The following DPP10 variants were observed in gnomAD, a reference collection of about 807,000 sequenced individuals.
DPP10 encodes the protein dipeptidyl peptidase like 10.
DPP10 carries 33 observed loss-of-function variants against 120.9 expected under a neutral mutation model. The ratio of observed to expected loss-of-function variants is 0.27; its 90% CI spans 0.21 to 0.37. DPP10 has a LOEUF of 0.37. Among genes scored for constraint, DPP10 ranks in the 10% least tolerant of loss-of-function variants. The pLI, the probability that DPP10 is intolerant of heterozygous loss-of-function variation, is 1.00. For missense variants in DPP10, 816 were observed against 942.8 expected (o/e 0.87, Z 1.76); for synonymous variants, 337 against 326.1 (o/e 1.03, Z -0.36).
At chr2:114,554,576 C>G (rs1173530779) in intron 1 of DPP10, among the ~76,000 whole-genome samples, 9 of 152,188 alleles carry the variant, frequency 5.9e-5, no homozygotes, top group Admixed American at 5.9e-4. Context: ...AAATGAGGCT[C>G]TCAGTGCTAC....
intron 3 of DPP10, among the ~76,000 whole-genome samples, chr2:115,449,394 G>A (rs753249805): frequency 1.3e-5 from 2 of 152,046 alleles, no homozygotes; most frequent in Non-Finnish European, 2.9e-5. Flanking sequence ...GGAGTCTAGA[G>A]TCTACTTGAT....
At chr2:115,438,383 A>G (rs1037644845) in intron 3 of DPP10, among the ~76,000 whole-genome samples, 7 of 152,308 alleles carry the variant, frequency 4.6e-5, no homozygotes, top group Non-Finnish European at 7.4e-5. Flanking sequence ...TATGCTAGGT[A>G]TATACTCAAA....
chr2:114,813,840 G>A (rs1419714080), intron 1 of DPP10, among the ~76,000 whole-genome samples: 6 of 151,546 alleles, frequency 4.0e-5, no homozygotes, highest in African/African-American at 1.5e-4. Context: ...GAATATGCTT[G>A]TAACACTAGT....
intron 1 of DPP10, among the ~76,000 whole-genome samples, chr2:114,552,156 G>T (rs537637747): frequency 3.8e-4 from 58 of 152,204 alleles, no homozygotes; most frequent in Non-Finnish European, 2.5e-4. Flanking sequence ...TCAGCTGTTA[G>T]CTCTGTGGTG....
intron 5 of DPP10, among the ~76,000 whole-genome samples, chr2:115,635,285 A>T (rs556802544): frequency 2.2e-4 from 34 of 152,226 alleles, no homozygotes; most frequent in African/African-American, 8.2e-4. Context: ...AGCCGCTGAG[A>T]ATCTGCACAA....
At chr2:114,663,662 TATATATAG>T (rs1461818256) in intron 1 of DPP10, among the ~76,000 whole-genome samples, 8 of 95,030 alleles carry the variant, frequency 8.4e-5, no homozygotes, top group East Asian at 2.9e-4. Flanking sequence ...TATATATATA[TATATATAG>T]AGAGAGAGAG....
intron 1 of DPP10, among the ~76,000 whole-genome samples, chr2:114,444,486 G>A (rs1015916578): frequency 1.3e-5 from 2 of 152,042 alleles, no homozygotes; most frequent in African/African-American, 4.8e-5. Flanking sequence ...TCTTTATTGA[G>A]TAAGCATAAA....
intron 1 of DPP10, among the ~76,000 whole-genome samples, chr2:114,947,209 G>A (rs41329949): frequency 0.019 from 2,813 of 152,008 alleles, 89 homozygotes; most frequent in African/African-American, 0.062. Flanking sequence ...AGCAACCTGC[G>A]TATCTGACCT....
At chr2:115,494,309 G>T (rs879388215) in intron 3 of DPP10, among the ~76,000 whole-genome samples, 4 of 152,030 alleles carry the variant, frequency 2.6e-5, no homozygotes, top group African/African-American at 4.8e-5. Context: ...AGAGCGCATT[G>T]ACTTGTTTAT....
rs1048128879 is a variant in DPP10 at position 115,440,071 on chromosome 2, AT to A, written c.272-59430del. Among the ~76,000 whole-genome samples, 16 of 151,312 alleles carry A rather than the reference AT, an allele frequency of 1.1e-4. 1 individual carries two copies. The highest frequency in any genetic ancestry group is 3.2e-4 in the African/African-American group (13 of 41,256). ...AAATTAACTAGCTCTTTTGAACAGCATTTTTTTTTCTTAGTATGATGCCTAT... is the reference window on the plus strand; with the variant it reads ...AAATTAACTAGCTCTTTTGAACAGCATTTTTTTTCTTAGTATGATGCCTAT... On this transcript the variant is annotated intron_variant, in intron 3 of 25. Transcript: ENST00000410059.
chr2:115,384,596 A>G (rs1183156747), intron 3 of DPP10, among the ~76,000 whole-genome samples: 1 of 148,724 alleles, frequency 6.7e-6, no homozygotes, highest in Non-Finnish European at 1.5e-5. Flanking sequence ...GAAAAGGAAG[A>G]AGGAGGAAGA....
chr2:114,529,995 A>G (rs1236067658), intron 1 of DPP10, among the ~76,000 whole-genome samples: 1 of 152,164 alleles, frequency 6.6e-6, no homozygotes, highest in Non-Finnish European at 1.5e-5. Flanking sequence ...AGCTCCATCT[A>G]TGTCCCTGCA....
intron 5 of DPP10, among the ~76,000 whole-genome samples, chr2:115,603,564 T>TTTTTG (rs1553459802): frequency 3.1e-5 from 3 of 95,382 alleles, no homozygotes; most frequent in African/African-American, 2.2e-4. Context: ...GTTGTTGTTT[T>TTTTTG]TTTTTGTTTT....
At chr2:114,662,363 G>A (rs1460340137) in intron 1 of DPP10, among the ~76,000 whole-genome samples, 1 of 152,218 alleles carries the variant, frequency 6.6e-6, no homozygotes, top group Non-Finnish European at 1.5e-5. Flanking sequence ...GGGAGCTCCG[G>A]AGCTGCAGAG....
chr2:115,737,827 C>A (rs565951853), intron 8 of DPP10, among the ~76,000 whole-genome samples: 1 of 152,118 alleles, frequency 6.6e-6, no homozygotes, highest in African/African-American at 2.4e-5. Context: ...AGAGATATCC[C>A]GGTGTATCCC....
chr2:115,746,486 C>T (rs1477791790), intron 10 of DPP10, among the ~76,000 whole-genome samples: 1 of 152,082 alleles, frequency 6.6e-6, no homozygotes, highest in Non-Finnish European at 1.5e-5. Flanking sequence ...GAATTTTCTT[C>T]AAGAAAATAG....
chr2:114,714,004 A>G (rs1220775888), intron 1 of DPP10, among the ~76,000 whole-genome samples: 2 of 151,174 alleles, frequency 1.3e-5, no homozygotes, highest in Non-Finnish European at 2.9e-5. Flanking sequence ...AGAAAAAAAT[A>G]AAATAATAAA....
chr2:115,730,267 T>C (rs2149651025), intron 8 of DPP10, among the ~76,000 whole-genome samples: 1 of 152,178 alleles, frequency 6.6e-6, no homozygotes, highest in East Asian at 1.9e-4. Flanking sequence ...ACTCTAAAAT[T>C]GATGAGACAA....
At chr2:114,497,302 C>CGT (rs1383519155) in intron 1 of DPP10, among the ~76,000 whole-genome samples, 1 of 65,042 alleles carries the variant, frequency 1.5e-5, no homozygotes, top group East Asian at 3.0e-4. Flanking sequence ...TACATGTATA[C>CGT]GTGTATACAT....
Sources: gnomAD v4.1 joint callset for allele counts (sites outside exome capture counted in the v4.1 genomes callset) on GRCh38, gnomAD v4.1.1 for gene constraint, MANE v1.5 for transcripts, NCBI Gene and HGNC (gene_info 2026-07-23, HGNC 2026-07-21) for gene names.